The following JMJD1C variants were observed in gnomAD, a reference collection of about 807,000 sequenced individuals.
The protein encoded by JMJD1C is jumonji domain-containing protein 1C.
JMJD1C carries 31 observed loss-of-function variants against 245.3 expected under a neutral mutation model. The ratio of observed to expected loss-of-function variants is 0.13; its 90% confidence interval spans 0.09 to 0.17. The LOEUF (loss-of-function observed/expected upper bound fraction) is 0.17. Ranked by LOEUF, JMJD1C falls within the 10% of genes least tolerant of loss-of-function variation. The probability of loss-of-function intolerance (pLI) is 1.00; values close to 1 mark genes in which losing one functional copy is unlikely to be tolerated. For missense variants in JMJD1C, 2,691 were observed against 3,000.2 expected, an observed-to-expected ratio of 0.90 and a Z score of 2.41; for synonymous variants, 1,057 against 1,017.4, an observed-to-expected ratio of 1.04 and a Z score of -0.74.
chr10:63,521,539 C>G, intron 1 of JMJD1C: 1 of 1,432,930 alleles, frequency 7.0e-7, no homozygotes, highest in South Asian at 1.5e-5. Context: ...CCCAAGCCCC[C>G]GTGAAGATGG....
intron 1 of JMJD1C, among the ~76,000 whole-genome samples, chr10:63,514,055 A>T (rs1954948494): frequency 6.6e-6 from 1 of 152,240 alleles, no homozygotes; most frequent in Non-Finnish European, 1.5e-5. Context: ...ATTATCAGAG[A>T]AATGCAAATC....
At position 63,167,887 on chromosome 10, in the gene JMJD1C, T is replaced by G; in HGVS notation, c.*158A>C. The stretch of plus-strand genomic sequence containing the variant: ...ATTGAATCACAGGAGCTGTGACATA[T>G]GCTATACTGCTGTGGTGTCAGTAAC... On this transcript the variant is annotated 3_prime_UTR_variant, in exon 26 of 26. Coordinates refer to ENST00000399262, the MANE Select transcript of JMJD1C (RefSeq NM_032776.3). 1.7e-6 allele frequency: 1 copy of G among 575,646 alleles called. No individual in the cohort carries two copies. The highest frequency in any genetic ancestry group is 2.8e-5 in the East Asian group (1 of 36,232). 35.7% of individuals were successfully genotyped at this position (575,646 alleles called of 1,614,324 possible).
intron 17 of JMJD1C, among the ~76,000 whole-genome samples, chr10:63,190,227 T>C (rs1564574809): frequency 3.5e-5 from 5 of 142,984 alleles, no homozygotes. Context: ...TTTTTTGAGA[T>C]GGAGTCTCGC....
chr10:63,460,228 T>G (rs1258813256), intron 1 of JMJD1C, among the ~76,000 whole-genome samples: 1 of 152,018 alleles, frequency 6.6e-6, no homozygotes, highest in African/African-American at 2.4e-5. Context: ...TAAGAGTAAA[T>G]AGTAAGGTCA....
At chr10:63,391,505 G>C (rs1450290630) in intron 1 of JMJD1C, among the ~76,000 whole-genome samples, 1 of 116,628 alleles carries the variant, frequency 8.6e-6, no homozygotes, top group Admixed American at 1.1e-4. Flanking sequence ...GTGAGACTCC[G>C]TCTCAACAAC....
At chr10:63,420,324 C>T (rs1950048906) in intron 1 of JMJD1C, among the ~76,000 whole-genome samples, 1 of 152,036 alleles carries the variant, frequency 6.6e-6, no homozygotes, top group Non-Finnish European at 1.5e-5. Flanking sequence ...AAAAGTACCA[C>T]ATATGAAAAT....
chr10:63,202,319 A>G, intron 10 of JMJD1C: 2 of 983,616 alleles, frequency 2.0e-6, no homozygotes, highest in Non-Finnish European at 2.4e-6. Flanking sequence ...CTAACTTGTA[A>G]GTGTCTTATT....
chr10:63,287,569 G>T (rs1379142293), intron 2 of JMJD1C, among the ~76,000 whole-genome samples: 8 of 152,032 alleles, frequency 5.3e-5, no homozygotes, highest in Non-Finnish European at 1.2e-4. Flanking sequence ...AAATAGAAAT[G>T]TTTAGTCTAA....
chr10:63,276,185 G>A (rs952576118), intron 2 of JMJD1C, among the ~76,000 whole-genome samples: 1 of 152,100 alleles, frequency 6.6e-6, no homozygotes, highest in Non-Finnish European at 1.5e-5. Context: ...AGGCAGTTGA[G>A]GCCGGGCACG....
chr10:63,365,643 G>A (rs1025318604), intron 2 of JMJD1C, among the ~76,000 whole-genome samples: 9 of 152,102 alleles, frequency 5.9e-5, no homozygotes, highest in African/African-American at 2.2e-4. Flanking sequence ...GACTATTTGG[G>A]TTCCATTTTC....
intron 1 of JMJD1C, among the ~76,000 whole-genome samples, chr10:63,408,994 A>C (rs1008865792): frequency 6.6e-6 from 1 of 152,214 alleles, no homozygotes; most frequent in African/African-American, 2.4e-5. Context: ...TGGCAAGTAC[A>C]TATCATTAAT....
At chr10:63,453,138 G>C (rs1057360280) in intron 1 of JMJD1C, among the ~76,000 whole-genome samples, 1 of 151,980 alleles carries the variant, frequency 6.6e-6, no homozygotes, top group Non-Finnish European at 1.5e-5. Flanking sequence ...GGCCGGGTGT[G>C]GTGGCAGGTG....
chr10:63,486,989 T>C (rs2133205218), intron 1 of JMJD1C, among the ~76,000 whole-genome samples: 1 of 152,336 alleles, frequency 6.6e-6, no homozygotes, highest in Admixed American at 6.5e-5. Flanking sequence ...ATTTGCTAAA[T>C]GCTGAAGCCA....
At chr10:63,278,838 C>T (rs1430386555) in intron 2 of JMJD1C, among the ~76,000 whole-genome samples, 2 of 118,088 alleles carry the variant, frequency 1.7e-5, no homozygotes, top group Admixed American at 8.0e-5. Flanking sequence ...AAACTCCCAT[C>T]TCAAAAAAAA....
At chr10:63,263,329 A>T (rs1855036020) in intron 3 of JMJD1C, among the ~76,000 whole-genome samples, 1 of 152,206 alleles carries the variant, frequency 6.6e-6, no homozygotes, top group Non-Finnish European at 1.5e-5. Flanking sequence ...ACACTAAATG[A>T]ACTAACATCT....
chr10:63,362,010 G>C (rs2134366686), intron 2 of JMJD1C, among the ~76,000 whole-genome samples: 1 of 152,040 alleles, frequency 6.6e-6, no homozygotes, highest in East Asian at 1.9e-4. Flanking sequence ...GAGGCGGGTG[G>C]ATCACCTGAG....
intron 1 of JMJD1C, among the ~76,000 whole-genome samples, chr10:63,476,024 C>A (rs1589812551): frequency 6.6e-6 from 1 of 151,958 alleles, no homozygotes; most frequent in African/African-American, 2.4e-5. Context: ...GCCTGGCCAA[C>A]ATGGTGAAAC....
intron 3 of JMJD1C, among the ~76,000 whole-genome samples, chr10:63,241,582 CT>C (rs1851489924): frequency 6.6e-6 from 1 of 152,088 alleles, no homozygotes; most frequent in Non-Finnish European, 1.5e-5. Flanking sequence ...TTAATTTACC[CT>C]TATAGCCTTT....
At chr10:63,352,310 A>G (rs557400280) in intron 2 of JMJD1C, among the ~76,000 whole-genome samples, 3 of 152,326 alleles carry the variant, frequency 2.0e-5, no homozygotes, top group African/African-American at 7.2e-5. Flanking sequence ...TGAATTGATA[A>G]AAGTTTATTA....
Sources: allele counts gnomAD v4.1 joint callset (sites outside exome capture counted in the v4.1 genomes callset), GRCh38; gene constraint gnomAD v4.1.1; transcripts MANE v1.5; gene names NCBI Gene and HGNC (gene_info 2026-07-23, HGNC 2026-07-21).